The following TTC6 variants were observed in gnomAD, a reference collection of about 807,000 sequenced individuals.
The protein encoded by TTC6 is tetratricopeptide repeat domain 6, also known as tetratricopeptide repeat protein 6.
Under a neutral mutation model 210.4 loss-of-function variants are expected in TTC6, and 172 were observed. The observed-to-expected ratio is 0.82, with a 90% confidence interval of 0.72 to 0.93. TTC6 has a LOEUF of 0.93. Ranked by LOEUF, TTC6 falls within the 40% of genes least tolerant of loss-of-function variation. TTC6 has a pLI of 0.00. For missense variants in TTC6, 2,414 were observed against 2,318.1 expected, an observed-to-expected ratio of 1.04 and a Z score of -0.85; for synonymous variants, 804 against 819.6, an observed-to-expected ratio of 0.98 and a Z score of 0.32.
At chr14:37,632,216 GC>G (rs1205493581) in intron 1 of TTC6, among the ~76,000 whole-genome samples, 2 of 152,300 alleles carry the variant, frequency 1.3e-5, no homozygotes, top group Middle Eastern at 3.4e-3. Flanking sequence ...TGGAATTGCA[GC>G]CTTTTTGCAG....
At chr14:37,664,365 G>T (rs1446333620) in intron 1 of TTC6, among the ~76,000 whole-genome samples, 1 of 150,612 alleles carries the variant, frequency 6.6e-6, no homozygotes, top group Admixed American at 6.6e-5. Context: ...ACAACCATCA[G>T]ATCTTTGACA....
In TTC6 at chr14:37,765,966, T is replaced by C. The variant is rs953093406; in HGVS notation, c.3266+12731T>C. ...ATCTCTCTTGGTGCTTTCAATATTC[T>C]CTCCCACACCATCCCCCAAGATTTT... On this transcript the variant is annotated intron_variant, in intron 14 of 30. Coordinates refer to ENST00000553443, the Ensembl canonical transcript of TTC6. Among the ~76,000 whole-genome samples the C allele has an allele frequency of 1.3e-5, 2 of 152,182 alleles. 1 individual carries two copies. Among genetic ancestry groups the C allele is most frequent in the Admixed American group, 1.3e-4 (2 of 15,268 alleles).
intron 3 of TTC6, among the ~76,000 whole-genome samples, chr14:37,691,053 G>C (rs1175631797): frequency 6.6e-6 from 1 of 152,110 alleles, no homozygotes; most frequent in Non-Finnish European, 1.5e-5. Flanking sequence ...AAACCGGTCA[G>C]GTGTGGTGGC....
chr14:37,749,585 T>C, intron 11 of TTC6, 129 bp from the exon 14 acceptor site: 6 of 1,027,498 alleles, frequency 5.8e-6, no homozygotes, highest in Non-Finnish European at 7.7e-6. Context: ...GTTTGTCAGA[T>C]TGGGAGGTTT....
chr14:37,791,106 A>G (rs768378793), intron 16 of TTC6, among the ~76,000 whole-genome samples: 1 of 152,172 alleles, frequency 6.6e-6, no homozygotes, highest in Admixed American at 6.5e-5. Context: ...TAAGGAATCA[A>G]TACTATTGAG....
At chr14:37,646,421 C>T (rs1037356421) in intron 1 of TTC6, among the ~76,000 whole-genome samples, 2 of 151,942 alleles carry the variant, frequency 1.3e-5, no homozygotes, top group Non-Finnish European at 2.9e-5. Flanking sequence ...CTTAAAAAGA[C>T]CTTGGAAGAC....
At chr14:37,694,970 G>T (rs2095811841) in intron 3 of TTC6, among the ~76,000 whole-genome samples, 1 of 148,458 alleles carries the variant, frequency 6.7e-6, no homozygotes, top group African/African-American at 2.5e-5. Context: ...GAGCCCAAGA[G>T]GTTGAGGCTG....
intron 1 of TTC6, among the ~76,000 whole-genome samples, chr14:37,655,771 A>C (rs1163790022): frequency 6.6e-6 from 1 of 152,174 alleles, no homozygotes; most frequent in Non-Finnish European, 1.5e-5. Context: ...TATTTCATTC[A>C]TGGACATTAA....
chr14:37,642,188 T>C (rs2095693161), intron 1 of TTC6, among the ~76,000 whole-genome samples: 1 of 152,188 alleles, frequency 6.6e-6, no homozygotes, highest in Non-Finnish European at 1.5e-5. Context: ...TAGCCTCCGC[T>C]GGTAGCTTCT....
At chr14:37,646,443 A>G (rs1376702506) in intron 1 of TTC6, among the ~76,000 whole-genome samples, 3 of 152,170 alleles carry the variant, frequency 2.0e-5, no homozygotes, top group Non-Finnish European at 2.9e-5. Context: ...TATCTTTCAA[A>G]AGATGATGAG....
At chr14:37,818,095 A>C (rs1000842940) in intron 26 of TTC6, among the ~76,000 whole-genome samples, 1 of 152,148 alleles carries the variant, frequency 6.6e-6, no homozygotes, top group Non-Finnish European at 1.5e-5. Context: ...TTTTAAGATA[A>C]TTTTGCATTT....
intron 1 of TTC6, among the ~76,000 whole-genome samples, chr14:37,665,665 G>GA (rs1191474688): frequency 6.7e-6 from 1 of 150,144 alleles, no homozygotes; most frequent in Non-Finnish European, 1.5e-5. Context: ...AAAGTTGAAG[G>GA]AAAAAAATGA....
chr14:37,665,144 C>G (rs537472286), intron 1 of TTC6, among the ~76,000 whole-genome samples: 5 of 150,270 alleles, frequency 3.3e-5, no homozygotes, highest in African/African-American at 1.2e-4. Context: ...AATCCCATTA[C>G]GGGGTATATA....
At chr14:37,791,296 A>C (rs1269183721) in intron 16 of TTC6, among the ~76,000 whole-genome samples, 1 of 152,210 alleles carries the variant, frequency 6.6e-6, no homozygotes, top group Non-Finnish European at 1.5e-5. Flanking sequence ...AGTAAAGCAA[A>C]ATAAAAACAC....
intron 14 of TTC6, among the ~76,000 whole-genome samples, chr14:37,761,217 G>A (rs895009032): frequency 1.3e-5 from 2 of 152,036 alleles, no homozygotes; most frequent in African/African-American, 4.8e-5. Flanking sequence ...AGGCTGGGTA[G>A]CATAGTCCCT....
intron 1 of TTC6, among the ~76,000 whole-genome samples, chr14:37,646,509 C>T (rs2095702044): frequency 6.6e-6 from 1 of 152,090 alleles, no homozygotes; most frequent in Non-Finnish European, 1.5e-5. Flanking sequence ...AAATAGACCT[C>T]TGTGGACAAT....
intron 29 of TTC6, among the ~76,000 whole-genome samples, chr14:37,828,477 A>G (rs938916537): frequency 2.0e-5 from 3 of 152,080 alleles, no homozygotes; most frequent in Non-Finnish European, 4.4e-5. Flanking sequence ...TTGCTTGTTT[A>G]GCTCTGGTGA....
At chr14:37,631,559 T>G (rs1045915939) in intron 1 of TTC6, among the ~76,000 whole-genome samples, 4 of 152,220 alleles carry the variant, frequency 2.6e-5, no homozygotes, top group African/African-American at 9.6e-5. Context: ...TTCCTTCATT[T>G]CAACCTTGAT....
At chr14:37,650,166 G>A (rs1297706969) in intron 1 of TTC6, among the ~76,000 whole-genome samples, 3 of 152,096 alleles carry the variant, frequency 2.0e-5, no homozygotes, top group Non-Finnish European at 4.4e-5. Flanking sequence ...GGTGTGCCCC[G>A]GCAGAGGCGC....
Sources: gnomAD v4.1 joint callset for allele counts (sites outside exome capture counted in the v4.1 genomes callset) on GRCh38, gnomAD v4.1.1 for gene constraint, MANE v1.5 for transcripts, NCBI Gene and HGNC (gene_info 2026-07-23, HGNC 2026-07-21) for gene names.